Variants in SMYD3 observed in about 807,000 individuals in gnomAD.
SMYD3 encodes SET and MYND domain containing 3, also known as histone-lysine N-methyltransferase SMYD3.
In SMYD3, 36 loss-of-function variants were observed where a neutral mutation model predicts 57.7. The ratio of observed to expected loss-of-function variants is 0.62; its 90% CI spans 0.48 to 0.82. SMYD3 has a LOEUF of 0.82. Among genes scored for constraint, SMYD3 ranks in the 40% least tolerant of loss-of-function variants. SMYD3 has a pLI of 0.00. For missense variants in SMYD3, 515 were observed against 538.8 expected (o/e 0.96, Z 0.44); for synonymous variants, 211 against 195.0 (o/e 1.08, Z -0.68).
At chr1:245,767,960 A>G (rs1056932039) in intron 10 of SMYD3, among the ~76,000 whole-genome samples, 1 of 152,242 alleles carries the variant, frequency 6.6e-6, no homozygotes, top group Non-Finnish European at 1.5e-5. Context: ...GATAGCAGCA[A>G]TATCAACAGA....
intron 1 of SMYD3, among the ~76,000 whole-genome samples, chr1:246,384,892 C>A (rs1324178693): frequency 6.6e-6 from 1 of 152,138 alleles, no homozygotes; most frequent in Non-Finnish European, 1.5e-5. Flanking sequence ...CTGAATTGAG[C>A]TGATTTTCTT....
intron 5 of SMYD3, among the ~76,000 whole-genome samples, chr1:245,942,781 C>T (rs796264275): frequency 5.9e-5 from 9 of 152,174 alleles, no homozygotes; most frequent in East Asian, 5.8e-4. Context: ...AAGTCATAAC[C>T]GTCTCTCAGA....
At chr1:245,776,555 G>C (rs2148119957) in intron 10 of SMYD3, among the ~76,000 whole-genome samples, 1 of 152,300 alleles carries the variant, frequency 6.6e-6, no homozygotes, top group South Asian at 2.1e-4. Context: ...ATGTGATGTT[G>C]TTGACATAGA....
chr1:246,378,869 A>ATT (rs1283432019), intron 1 of SMYD3, among the ~76,000 whole-genome samples: 20 of 121,970 alleles, frequency 1.6e-4, no homozygotes, highest in African/African-American at 4.7e-4. Flanking sequence ...AGTATATATA[A>ATT]ATATATTATA....
chr1:245,912,211 A>G (rs554367605), intron 8 of SMYD3, among the ~76,000 whole-genome samples: 1 of 152,208 alleles, frequency 6.6e-6, no homozygotes, highest in South Asian at 2.1e-4. Flanking sequence ...ATACACCAAT[A>G]ATGAACTACC....
At chr1:246,447,403 G>A (rs972447062) in intron 1 of SMYD3, among the ~76,000 whole-genome samples, 1 of 152,118 alleles carries the variant, frequency 6.6e-6, no homozygotes, top group Admixed American at 6.5e-5. Context: ...AAAATTCTTG[G>A]CTATAAAATT....
At chr1:245,799,562 A>G (rs79555146) in intron 10 of SMYD3, among the ~76,000 whole-genome samples, 8,027 of 152,328 alleles carry the variant, frequency 0.053, 276 homozygotes, top group East Asian at 0.12. Context: ...AAGCTAGGCA[A>G]TGTGTGAGTT....
chr1:246,474,714 G>A (rs1464484378), intron 1 of SMYD3, among the ~76,000 whole-genome samples: 1 of 152,034 alleles, frequency 6.6e-6, no homozygotes, highest in East Asian at 1.9e-4. Context: ...CAACTCCAAG[G>A]TTTATGGAAG....
chr1:246,349,474 G>T (rs1572407761), intron 2 of SMYD3, among the ~76,000 whole-genome samples: 1 of 152,190 alleles, frequency 6.6e-6, no homozygotes, highest in East Asian at 1.9e-4. Flanking sequence ...GCATGGTAGT[G>T]CACGCCTGTA....
At chr1:246,186,806 G>GTA in intron 5 of SMYD3, 2 of 985,490 alleles carry the variant, frequency 2.0e-6, no homozygotes, top group Non-Finnish European at 2.4e-6. Flanking sequence ...GGGAAAGGCT[G>GTA]TATCACATTC....
Position 246,123,571 on chromosome 1 carries a change from AACACACACACACACAC to A in SMYD3, c.532-193650_532-193635del, listed in dbSNP as rs557543331. ...GAGACAGAGTGAGACTCCATCTCAA[AACACACACACACACAC>A]ACACACACACACACACACACACACA... On this transcript the variant is annotated intron_variant, in intron 5 of 11. Transcript: ENST00000490107. Among the ~76,000 whole-genome samples the A allele has an allele frequency of 5.1e-3, 664 of 129,576 alleles. 7 individuals carry two copies. The highest frequency in any genetic ancestry group is 0.015 in the African/African-American group (526 of 34,398). 85.0% of individuals were successfully genotyped at this position (129,576 alleles called of 152,430 possible). A position where few individuals can be genotyped will look rare whatever the true frequency, so the allele number is the denominator to read the frequency against.
chr1:246,139,279 A>C (rs1407403427), intron 5 of SMYD3, among the ~76,000 whole-genome samples: 1 of 152,240 alleles, frequency 6.6e-6, no homozygotes, highest in African/African-American at 2.4e-5. Context: ...ATATCTAATG[A>C]AAATGGGAGG....
chr1:246,006,247 G>A (rs748113958), intron 5 of SMYD3, among the ~76,000 whole-genome samples: 2 of 150,770 alleles, frequency 1.3e-5, no homozygotes, highest in African/African-American at 4.9e-5. Context: ...GGAAGAGCCC[G>A]CCTTGCTATT....
At position 245,903,589 on chromosome 1, in the gene SMYD3, A is replaced by G. The variant is rs2054341497; in HGVS notation, c.813+11941T>C. On this transcript the variant is annotated intron_variant, in intron 8 of 11. Transcript: ENST00000490107. ...GCGAAAAGGGGCACTGAAGACATAGAACAAACTGTCCTGAATCGCCAGTGC... is the reference window on the plus strand; with the variant it reads ...GCGAAAAGGGGCACTGAAGACATAGGACAAACTGTCCTGAATCGCCAGTGC... 2.0e-5 allele frequency among the ~76,000 whole-genome samples: 3 copies of G among 152,322 alleles called. No homozygotes were observed. The East Asian group carries it at 5.8e-4, about 29-fold the overall frequency.
intron 1 of SMYD3, among the ~76,000 whole-genome samples, chr1:246,445,141 T>C (rs747631464): frequency 1.3e-5 from 2 of 152,212 alleles, no homozygotes; most frequent in African/African-American, 2.4e-5. Context: ...GCACAAAACG[T>C]AGCATGTAGT....
chr1:245,929,152 G>A (rs746754581), intron 6 of SMYD3, among the ~76,000 whole-genome samples: 3 of 152,172 alleles, frequency 2.0e-5, no homozygotes, highest in Non-Finnish European at 4.4e-5. Flanking sequence ...TGGCCTGAAC[G>A]CAGAGCCCAT....
At chr1:246,117,640 A>G (rs2061362044) in intron 5 of SMYD3, among the ~76,000 whole-genome samples, 1 of 152,062 alleles carries the variant, frequency 6.6e-6, no homozygotes, top group Non-Finnish European at 1.5e-5. Context: ...TCTCCCTTCA[A>G]CTTAGAAACC....
chr1:246,160,378 G>A (rs954771804), intron 5 of SMYD3, among the ~76,000 whole-genome samples: 2 of 152,156 alleles, frequency 1.3e-5, no homozygotes, highest in African/African-American at 4.8e-5. Flanking sequence ...GGTTTGGGGT[G>A]AAAATTCATA....
chr1:246,108,837 T>A (rs1259167088), intron 5 of SMYD3: 1 of 152,146 alleles, frequency 6.6e-6, no homozygotes, highest in East Asian at 1.9e-4. Flanking sequence ...CAGACCACCA[T>A]CCTCCCTGAG....
Sources: gnomAD v4.1 joint callset for allele counts (sites outside exome capture counted in the v4.1 genomes callset) on GRCh38, gnomAD v4.1.1 for gene constraint, MANE v1.5 for transcripts, NCBI Gene and HGNC (gene_info 2026-07-23, HGNC 2026-07-21) for gene names.